FAM20C: variants seen among roughly 807,000 people sequenced by gnomAD.
FAM20C encodes the protein FAM20C golgi associated secretory pathway kinase.
FAM20C carries 40 observed loss-of-function variants against 51.5 expected under a neutral mutation model. The ratio of observed to expected loss-of-function variants is 0.78; its 90% CI spans 0.60 to 1.01. The LOEUF is 1.01. FAM20C is among the 50% of genes least tolerant of loss of function. The probability of loss-of-function intolerance (pLI) is 0.00; values close to 1 mark genes in which losing one functional copy is unlikely to be tolerated. For synonymous variants in FAM20C, 406 were observed against 380.6 expected (o/e 1.07, Z -0.78); for missense variants, 861 against 844.7 (o/e 1.02, Z -0.24).
intron 3 of FAM20C, among the ~76,000 whole-genome samples, chr7:222,649 T>C (rs114930151): frequency 1.3e-5 from 2 of 151,974 alleles, no homozygotes; most frequent in Admixed American, 6.6e-5. Flanking sequence ...TGAGGGGCCC[T>C]GAGGTGCCAA....
chr7:194,460 A>C (rs912125528), intron 1 of FAM20C, among the ~76,000 whole-genome samples: 5 of 143,686 alleles, frequency 3.5e-5, no homozygotes, highest in Admixed American at 7.2e-5. Context: ...AGCAGATGCT[A>C]CACCGAAGCA....
intron 4 of FAM20C, among the ~76,000 whole-genome samples, chr7:247,896 C>T (rs1231724395): frequency 1.3e-5 from 2 of 152,288 alleles, no homozygotes; most frequent in Admixed American, 6.5e-5. Context: ...ACAATCACCA[C>T]GTCCTCCGTC....
intron 2 of FAM20C, among the ~76,000 whole-genome samples, chr7:206,563 G>A (rs1786403220): frequency 1.4e-5 from 1 of 71,290 alleles, no homozygotes. Context: ...TGACGCGTCG[G>A]TCACTGTCCC....
At chr7:223,517 A>G (rs999521300) in intron 3 of FAM20C, among the ~76,000 whole-genome samples, 1 of 152,160 alleles carries the variant, frequency 6.6e-6, no homozygotes, top group Non-Finnish European at 1.5e-5. Context: ...GGAGGAGCAG[A>G]GGGGCAGGCG....
intron 5 of FAM20C, among the ~76,000 whole-genome samples, chr7:253,092 G>A (rs1282781038): frequency 6.6e-6 from 1 of 152,214 alleles, no homozygotes; most frequent in Non-Finnish European, 1.5e-5. Context: ...GGGCAGGGCG[G>A]TCCTCAGGAC....
At chr7:256,416 A>G in intron 6 of FAM20C, 1 of 579,106 alleles carries the variant, frequency 1.7e-6, no homozygotes, top group South Asian at 2.1e-5. Context: ...TCTGCAAAAA[A>G]CACGGGGCCC....
At chr7:250,742 C>T (rs1398572592) in intron 5 of FAM20C, among the ~76,000 whole-genome samples, 1 of 152,260 alleles carries the variant, frequency 6.6e-6, no homozygotes, top group South Asian at 2.1e-4. Flanking sequence ...GCCATGCACA[C>T]CCTGGTGCCC....
At position 241,815 on chromosome 7, in the gene FAM20C, CTG is replaced by C. The variant is rs1201957133; in HGVS notation, c.864-4591_864-4590del. Among the ~76,000 whole-genome samples, 30 of 151,522 alleles carry C rather than the reference CTG, an allele frequency of 2.0e-4. 1 individual carries two copies. The highest frequency in any genetic ancestry group is 1.0e-3 in the South Asian group (5 of 4,774). Reference sequence around the variant, plus strand: ...CATGTGCACACGTGTGAATGTGCATCTGTGTGTGTGCCCGTGTGTACGTTTGT... The same window carrying C: ...CATGTGCACACGTGTGAATGTGCATCTGTGTGTGCCCGTGTGTACGTTTGT... On this transcript the variant is annotated intron_variant, in intron 3 of 9. Coordinates refer to ENST00000313766, the MANE Select transcript of FAM20C (RefSeq NM_020223.4).
At chr7:242,288 C>T (rs1171706950) in intron 3 of FAM20C, among the ~76,000 whole-genome samples, 2 of 152,218 alleles carry the variant, frequency 1.3e-5, no homozygotes, top group African/African-American at 2.4e-5. Context: ...AGATGAACAC[C>T]CAGACCTGGA....
At chr7:235,320 C>T (rs951737189) in intron 3 of FAM20C, among the ~76,000 whole-genome samples, 4 of 152,062 alleles carry the variant, frequency 2.6e-5, no homozygotes, top group African/African-American at 9.7e-5. Flanking sequence ...AAATGCCGGA[C>T]GCACGTGGAC....
intron 3 of FAM20C, among the ~76,000 whole-genome samples, chr7:219,510 G>A (rs1298249766): frequency 6.6e-6 from 1 of 152,142 alleles, no homozygotes; most frequent in African/African-American, 2.4e-5. Context: ...TCAGAGTGGG[G>A]GCTTGGCTTC....
At chr7:206,610 G>A (rs1234540051) in intron 2 of FAM20C, among the ~76,000 whole-genome samples, 1 of 141,884 alleles carries the variant, frequency 7.0e-6, no homozygotes, top group Non-Finnish European at 1.5e-5. Flanking sequence ...CCACTGTGAC[G>A]CGTCTGTCAT....
At chr7:244,803 T>C (rs1788082998) in intron 3 of FAM20C, among the ~76,000 whole-genome samples, 1 of 152,234 alleles carries the variant, frequency 6.6e-6, no homozygotes, top group Non-Finnish European at 1.5e-5. Context: ...AGGCGAATAT[T>C]ATGTGGGATC....
At position 218,989 on chromosome 7, in the gene FAM20C, G is replaced by T. The variant is rs942835731; in HGVS notation, c.863+10013G>T. Reference sequence around the variant, plus strand: ...TGGTCCAGCCCAAACCCAGTGGCATGGACGGGACTTGCTCAGAACCTGTTA... The same window carrying T: ...TGGTCCAGCCCAAACCCAGTGGCATTGACGGGACTTGCTCAGAACCTGTTA... On this transcript the variant is annotated intron_variant, in intron 3 of 9. Transcript: ENST00000313766. Among the ~76,000 whole-genome samples, 7 of 152,300 alleles carry T rather than the reference G, an allele frequency of 4.6e-5. No homozygotes were observed. The East Asian group carries it at 1.4e-3, about 29-fold the overall frequency.
chr7:249,705 A>G (rs1433696944), intron 5 of FAM20C, among the ~76,000 whole-genome samples: 1 of 152,106 alleles, frequency 6.6e-6, no homozygotes, highest in Non-Finnish European at 1.5e-5. Flanking sequence ...GCACCACTGC[A>G]CTCCAGCCTG....
intron 5 of FAM20C, among the ~76,000 whole-genome samples, chr7:249,913 A>G (rs539656776): frequency 3.0e-4 from 46 of 152,110 alleles, no homozygotes; most frequent in Non-Finnish European, 6.5e-4. Context: ...TCGGTCCCCT[A>G]TGTTTCCATC....
At chr7:258,544 T>A (rs1788741291) in intron 8 of FAM20C, 102 bp from the exon 9 acceptor site, 2 of 1,165,952 alleles carry the variant, frequency 1.7e-6, no homozygotes, top group Admixed American at 2.0e-5. Context: ...CTGCCTGGGG[T>A]GTCGGGTACA....
intron 3 of FAM20C, among the ~76,000 whole-genome samples, chr7:217,621 G>A (rs1481762130): frequency 6.6e-6 from 1 of 152,156 alleles, no homozygotes; most frequent in Non-Finnish European, 1.5e-5. Context: ...TCCCTGAAGC[G>A]GCTTCTGAGG....
intron 3 of FAM20C, chr7:228,735 C>T (rs1787541962): frequency 2.2e-6 from 1 of 456,176 alleles, no homozygotes. Flanking sequence ...GTCCATCCCA[C>T]ATCCTCCACC....
Sources: allele counts gnomAD v4.1 joint callset (sites outside exome capture counted in the v4.1 genomes callset), GRCh38; gene constraint gnomAD v4.1.1; transcripts MANE v1.5; gene names NCBI Gene and HGNC (gene_info 2026-07-23, HGNC 2026-07-21).